Variants in SNX29 observed in about 807,000 individuals in gnomAD.
SNX29 encodes sorting nexin 29.
A neutral mutation model predicts 102.1 loss-of-function variants in SNX29; 78 were observed. The ratio of observed to expected loss-of-function variants is 0.76; its 90% CI spans 0.64 to 0.92. SNX29 has a LOEUF of 0.92. Among genes scored for constraint, SNX29 ranks in the 40% least tolerant of loss-of-function variants. The pLI is 0.00. For synonymous variants in SNX29, 580 were observed against 414.5 expected (o/e 1.40, Z -4.85); for missense variants, 1,280 against 1,061.7 (o/e 1.21, Z -2.86).
intron 11 of SNX29, among the ~76,000 whole-genome samples, chr16:12,109,067 G>A (rs186398753): frequency 6.9e-6 from 1 of 144,474 alleles, no homozygotes; most frequent in Non-Finnish European, 1.5e-5. Flanking sequence ...AGCAGAGGTT[G>A]CAGTGATCCC....
intron 13 of SNX29, among the ~76,000 whole-genome samples, chr16:12,144,921 C>G (rs1161041196): frequency 6.6e-6 from 1 of 152,194 alleles, no homozygotes; most frequent in African/African-American, 2.4e-5. Context: ...CGGGGTTTCA[C>G]CGGGTTAGCC....
chr16:12,023,982 G>A (rs1467213981), intron 3 of SNX29, among the ~76,000 whole-genome samples: 2 of 152,182 alleles, frequency 1.3e-5, no homozygotes, highest in African/African-American at 2.4e-5. Flanking sequence ...ACCAGGCATG[G>A]TGCTAAGTGC....
intron 19 of SNX29, among the ~76,000 whole-genome samples, chr16:12,490,587 CAG>C (rs1205199226): frequency 6.6e-6 from 1 of 152,186 alleles, no homozygotes; most frequent in Non-Finnish European, 1.5e-5. Flanking sequence ...TTGCTGGTCA[CAG>C]GGTATGTTTA....
At chr16:12,527,887 T>A (rs1463882344) in intron 20 of SNX29, among the ~76,000 whole-genome samples, 1 of 150,794 alleles carries the variant, frequency 6.6e-6, no homozygotes, top group Non-Finnish European at 1.5e-5. Flanking sequence ...TCCAGTGGCA[T>A]GATCTCGGCT....
intron 1 of SNX29, among the ~76,000 whole-genome samples, chr16:11,986,374 TAAAAA>T (rs33924503): frequency 3.1e-5 from 4 of 131,090 alleles, no homozygotes; most frequent in Non-Finnish European, 6.4e-5. Context: ...TCCTACAACT[TAAAAA>T]AAAAAAAAAA....
chr16:12,265,454 G>A (rs532064242), intron 14 of SNX29, among the ~76,000 whole-genome samples: 4 of 152,074 alleles, frequency 2.6e-5, no homozygotes, highest in African/African-American at 4.8e-5. Flanking sequence ...ACGCAGCTTC[G>A]AAACAGGTGA....
At chr16:12,243,485 G>A (rs560627956) in intron 14 of SNX29, among the ~76,000 whole-genome samples, 12 of 152,300 alleles carry the variant, frequency 7.9e-5, no homozygotes, top group Middle Eastern at 3.4e-3. Flanking sequence ...ACTCAGTACC[G>A]TGTGAGATTG....
chr16:12,264,217 G>A (rs2078859881), intron 14 of SNX29, among the ~76,000 whole-genome samples: 1 of 152,224 alleles, frequency 6.6e-6, no homozygotes, highest in South Asian at 2.1e-4. Flanking sequence ...TCACTCTGTT[G>A]ACGTGCATCG....
chr16:12,551,990 A>G (rs2078006702), intron 20 of SNX29, among the ~76,000 whole-genome samples: 1 of 152,200 alleles, frequency 6.6e-6, no homozygotes, highest in Admixed American at 6.5e-5. Flanking sequence ...ATGTCAAAGT[A>G]GCTCCTGCTG....
At chr16:12,201,230 T>C (rs2076907647) in intron 14 of SNX29, among the ~76,000 whole-genome samples, 1 of 152,242 alleles carries the variant, frequency 6.6e-6, no homozygotes, top group Non-Finnish European at 1.5e-5. Context: ...CAGATATTGC[T>C]ATTATGGCCC....
At chr16:12,477,553 C>T (rs1011487960) in intron 18 of SNX29, among the ~76,000 whole-genome samples, 166 bp from the exon 19 acceptor site, 1 of 152,218 alleles carries the variant, frequency 6.6e-6, no homozygotes. Flanking sequence ...ATCTGTTCAG[C>T]TAGCACTAAT....
At chr16:12,344,464 C>G (rs1418078044) in intron 15 of SNX29, among the ~76,000 whole-genome samples, 2 of 152,188 alleles carry the variant, frequency 1.3e-5, no homozygotes, top group Admixed American at 6.5e-5. Flanking sequence ...CTCTTGTTTG[C>G]TGCTGTATCC....
intron 20 of SNX29, among the ~76,000 whole-genome samples, chr16:12,550,490 G>A (rs1018917298): frequency 6.8e-6 from 1 of 148,050 alleles, no homozygotes; most frequent in Non-Finnish European, 1.5e-5. Flanking sequence ...AGCTGACATT[G>A]TGTCATTACA....
chr16:12,252,690 G>T (rs924667620), intron 14 of SNX29, among the ~76,000 whole-genome samples: 1 of 152,190 alleles, frequency 6.6e-6, no homozygotes, highest in African/African-American at 2.4e-5. Flanking sequence ...GGTCCTGGCA[G>T]CCCCGTTGCG....
intron 1 of SNX29, among the ~76,000 whole-genome samples, chr16:11,994,547 T>C (rs1215126248): frequency 2.6e-5 from 4 of 152,230 alleles, no homozygotes; most frequent in Non-Finnish European, 5.9e-5. Flanking sequence ...CCTCGGCCAC[T>C]TCCCATGAGT....
chr16:12,510,995 C>T (rs545324625), intron 19 of SNX29, among the ~76,000 whole-genome samples: 5 of 151,988 alleles, frequency 3.3e-5, no homozygotes, highest in Admixed American at 6.6e-5. Flanking sequence ...CTCACTCTGT[C>T]GCCCAGGCTG....
At chr16:12,542,952 G>C (rs1209554571) in intron 20 of SNX29, among the ~76,000 whole-genome samples, 2 of 152,256 alleles carry the variant, frequency 1.3e-5, no homozygotes, top group Non-Finnish European at 2.9e-5. Context: ...AAATTAGCTT[G>C]AAGCAGAAAA....
At chr16:12,241,250 C>A (rs142843002) in intron 14 of SNX29, among the ~76,000 whole-genome samples, 93 of 152,030 alleles carry the variant, frequency 6.1e-4, no homozygotes, top group Non-Finnish European at 2.1e-4. Context: ...GCCTGGTAGT[C>A]TCTTAGAATT....
At chr16:12,549,351 C>A (rs1172174082) in intron 20 of SNX29, among the ~76,000 whole-genome samples, 1 of 152,136 alleles carries the variant, frequency 6.6e-6, no homozygotes, top group Non-Finnish European at 1.5e-5. Flanking sequence ...AAAAATTAGC[C>A]ATGGGTGGTG....
Sources: allele counts gnomAD v4.1 joint callset (sites outside exome capture counted in the v4.1 genomes callset), GRCh38; gene constraint gnomAD v4.1.1; transcripts MANE v1.5; gene names NCBI Gene and HGNC (gene_info 2026-07-23, HGNC 2026-07-21).